Variants in HESX1 observed in about 807,000 individuals in gnomAD.
The protein encoded by HESX1 is homeobox expressed in ES cells 1.
In HESX1, 11 loss-of-function variants were observed where a neutral mutation model predicts 22.5. That is an observed-to-expected ratio of 0.49 (90% CI 0.31 to 0.81). The LOEUF (loss-of-function observed/expected upper bound fraction) is 0.81. Among genes scored for constraint, HESX1 ranks in the 30% least tolerant of loss-of-function variants. The pLI is 0.05. For missense variants in HESX1, 201 were observed against 212.6 expected (o/e 0.95, Z 0.34); for synonymous variants, 74 against 76.5 (o/e 0.97, Z 0.17).
At chr3:57,226,409 G>T (rs941694386) in exon 1 of HESX1, 2 of 152,110 alleles carry the variant, frequency 1.3e-5, no homozygotes, top group Non-Finnish European at 2.9e-5. Flanking sequence ...TTAACTCATT[G>T]TAAGAACTGC....
chr3:57,222,996 T>C lies in HESX1; in HGVS notation c.-111+3300A>G, dbSNP rs1487164380. On this transcript the variant is annotated intron_variant, in intron 1 of 2. Transcript: ENST00000495160. ...CCTTAAATGTATTAAAATATTTTAATATTTAATAGTTGATAATGAAAAAGA... is the reference window on the plus strand; with the variant it reads ...CCTTAAATGTATTAAAATATTTTAACATTTAATAGTTGATAATGAAAAAGA... Among the ~76,000 whole-genome samples the C allele has an allele frequency of 3.9e-5, 6 of 152,214 alleles. No individual in the cohort carries two copies. The East Asian group carries it at 1.2e-3, about 29-fold the overall frequency.
At chr3:57,227,464 G>T (rs1286386199), upstream of HESX1, among the ~76,000 whole-genome samples, 1 of 152,216 alleles carries the variant, frequency 6.6e-6, no homozygotes, top group Non-Finnish European at 1.5e-5. Context: ...CCCCCGTGTG[G>T]CCCTAACTCG....
rs150059341 is a variant in HESX1 at position 57,217,766 on chromosome 3, C to T, written c.-111+8530G>A. ...CCCCACACAAAAGCCCTCCTCATCA[C>T]GCTTGGGCTCCAAACTGCACTCTCA... On this transcript the variant is annotated intron_variant, in intron 1 of 2. Coordinates refer to the HESX1 transcript ENST00000495160. Among the ~76,000 whole-genome samples, 11 of 152,282 alleles carry T rather than the reference C, an allele frequency of 7.2e-5. No individual in the cohort carries two copies. The East Asian group carries it at 9.7e-4, about 13-fold the overall frequency.
At chr3:57,217,446 T>C (rs1317236666) in intron 1 of HESX1, among the ~76,000 whole-genome samples, 5 of 152,210 alleles carry the variant, frequency 3.3e-5, no homozygotes, top group Non-Finnish European at 5.9e-5. Flanking sequence ...TTTACTTACT[T>C]GATCTGTCCC....
At chr3:57,215,565 T>TTG (rs2060578481) in intron 1 of HESX1, among the ~76,000 whole-genome samples, 1 of 112,822 alleles carries the variant, frequency 8.9e-6, no homozygotes, top group Non-Finnish European at 1.8e-5. Flanking sequence ...GGTCAGCAGT[T>TTG]CGACCAGCCT....
intron 1 of HESX1, among the ~76,000 whole-genome samples, chr3:57,220,264 A>AT (rs2060608217): frequency 6.6e-6 from 1 of 152,092 alleles, no homozygotes. Flanking sequence ...GCATGAAGTC[A>AT]TTTTTTATGA....
chr3:57,200,091 C>A, upstream of HESX1: 1 of 632,782 alleles, frequency 1.6e-6, no homozygotes, highest in Non-Finnish European at 2.8e-6. Context: ...TCAATGAACA[C>A]TTGCCCAGCC....
At chr3:57,218,983 G>A (rs1019355081) in intron 1 of HESX1, among the ~76,000 whole-genome samples, 7 of 152,102 alleles carry the variant, frequency 4.6e-5, no homozygotes, top group Non-Finnish European at 8.8e-5. Flanking sequence ...GCTCTTTGAG[G>A]AATTATCACA....
chr3:57,223,225 T>C (rs1023563498), intron 1 of HESX1, among the ~76,000 whole-genome samples: 1 of 152,218 alleles, frequency 6.6e-6, no homozygotes, highest in African/African-American at 2.4e-5. Flanking sequence ...CCCAAGCTTA[T>C]TAGCTCATAA....
At chr3:57,208,347 CTTGATTGA>C (rs71088041) in intron 1 of HESX1, among the ~76,000 whole-genome samples, 3 of 151,052 alleles carry the variant, frequency 2.0e-5, no homozygotes, top group East Asian at 4.0e-4. Flanking sequence ...ACGTCTACAA[CTTGATTGA>C]TTGATTGATT....
At position 57,217,353 on chromosome 3, in the gene HESX1, G is replaced by A. The variant is rs564456335; in HGVS notation, c.-111+8943C>T. ...ATACTTTAATTCCAATCCAGCACCA[G>A]AGGGTTCATTCCAATTTTCTCCCTT... is the stretch of plus-strand genomic sequence containing the variant. On this transcript the variant is annotated intron_variant, in intron 1 of 2. Coordinates refer to the HESX1 transcript ENST00000495160. Among the ~76,000 whole-genome samples the A allele has an allele frequency of 5.3e-5, 8 of 152,326 alleles. No homozygotes were observed. In the East Asian group the frequency reaches 1.5e-3, roughly 29 times the overall value.
intron 1 of HESX1, among the ~76,000 whole-genome samples, chr3:57,211,780 G>A (rs2060555873): frequency 6.6e-6 from 1 of 151,698 alleles, no homozygotes; most frequent in South Asian, 2.1e-4. Context: ...TTGCAGTGAG[G>A]TGAGATCGCG....
At chr3:57,227,437 T>C (rs2060654128), upstream of HESX1, among the ~76,000 whole-genome samples, 1 of 152,190 alleles carries the variant, frequency 6.6e-6, no homozygotes, top group African/African-American at 2.4e-5. Context: ...GCGGGAAAAG[T>C]CAACCCGCCC....
chr3:57,224,854 TCC>T (rs1412261281), intron 1 of HESX1, among the ~76,000 whole-genome samples: 1 of 152,238 alleles, frequency 6.6e-6, no homozygotes, highest in Admixed American at 6.5e-5. Flanking sequence ...AGACTGTACG[TCC>T]TTTTGTTGTA....
At chr3:57,210,930 G>A (rs2060549432) in intron 1 of HESX1, among the ~76,000 whole-genome samples, 1 of 152,124 alleles carries the variant, frequency 6.6e-6, no homozygotes, top group Non-Finnish European at 1.5e-5. Flanking sequence ...TTAAAAATCT[G>A]AGTTTAGGCT....
At chr3:57,211,764 T>G (rs1335750742) in intron 1 of HESX1, among the ~76,000 whole-genome samples, 1 of 151,200 alleles carries the variant, frequency 6.6e-6, no homozygotes, top group Non-Finnish European at 1.5e-5. Context: ...ACCCAGGAGG[T>G]AGACGTTGCA....
upstream of HESX1, among the ~76,000 whole-genome samples, chr3:57,227,218 A>G (rs1457555879): frequency 6.6e-6 from 1 of 152,184 alleles, no homozygotes; most frequent in Non-Finnish European, 1.5e-5. Flanking sequence ...AGCGTCCAGA[A>G]AAACAATTTC....
At chr3:57,225,381 T>G (rs2060635990) in intron 1 of HESX1, among the ~76,000 whole-genome samples, 1 of 152,254 alleles carries the variant, frequency 6.6e-6, no homozygotes, top group African/African-American at 2.4e-5. Context: ...AGACAGAGTT[T>G]CGCTCTGTCG....
rs1422645472 is a variant in HESX1 at position 57,218,739 on chromosome 3, A to G, written c.-111+7557T>C. ...ATTACAAACGTGAGCCACCATGCCC[A>G]GCCAATCTTACTCTTTTTTATGGCT... On this transcript the variant is annotated intron_variant, in intron 1 of 2. Coordinates refer to the HESX1 transcript ENST00000495160. Among the ~76,000 whole-genome samples, 3 of 152,224 alleles carry G rather than the reference A, an allele frequency of 2.0e-5. No individual in the cohort carries two copies. In the South Asian group the frequency reaches 6.2e-4, roughly 32 times the overall value.
Sources: gnomAD v4.1 joint callset for allele counts (sites outside exome capture counted in the v4.1 genomes callset) on GRCh38, gnomAD v4.1.1 for gene constraint, MANE v1.5 for transcripts, NCBI Gene and HGNC (gene_info 2026-07-23, HGNC 2026-07-21) for gene names.